Variants in ITGA3 observed in about 807,000 individuals in gnomAD.
The protein encoded by ITGA3 is integrin subunit alpha 3.
In ITGA3, 70 loss-of-function variants were observed where a neutral mutation model predicts 131.1. That is an observed-to-expected ratio of 0.53 (90% CI 0.44 to 0.65). The LOEUF is 0.65. Among genes scored for constraint, ITGA3 ranks in the 30% least tolerant of loss-of-function variants. The pLI is 0.00. For synonymous variants in ITGA3, 537 were observed against 571.6 expected (o/e 0.94, Z 0.86); for missense variants, 1,098 against 1,388.6 (o/e 0.79, Z 3.33).
intron 12 of ITGA3, 142 bp downstream of exon 12, chr17:50,075,877 T>A: frequency 1.2e-6 from 1 of 837,352 alleles, no homozygotes; most frequent in Non-Finnish European, 1.9e-6. Context: ...TATTGGTGTG[T>A]AGGAGTACAG....
chr17:50,076,230 C>T (rs1249084699), intron 12 of ITGA3, 96 bp from the exon 13 acceptor site: 3 of 1,355,898 alleles, frequency 2.2e-6, no homozygotes, highest in Non-Finnish European at 3.0e-6. Flanking sequence ...GGGTGGGGGG[C>T]GGGTCCAGCT....
chr17:50,089,372 C>T lies in ITGA3; in HGVS notation c.*294C>T. The T allele has an allele frequency of 1.1e-6, 1 of 909,216 alleles. No homozygotes were observed. The highest frequency in any genetic ancestry group is 2.6e-5 in the East Asian group (1 of 38,210). 56.3% of individuals were successfully genotyped at this position (909,216 alleles called of 1,614,324 possible). A position where few individuals can be genotyped will look rare whatever the true frequency, so the allele number is the denominator to read the frequency against. On this transcript the variant is annotated 3_prime_UTR_variant, in exon 26 of 26. Transcript: ENST00000320031. Reference sequence around the variant, plus strand: ...AGGGGCCACCACCTTTGGCTGGTAGCAGCAGGCTCAGGCACATACACCTCG... The same window carrying T: ...AGGGGCCACCACCTTTGGCTGGTAGTAGCAGGCTCAGGCACATACACCTCG...
At chr17:50,077,922 A>T in intron 16 of ITGA3, 124 bp from the exon 17 acceptor site, 1 of 746,326 alleles carries the variant, frequency 1.3e-6, no homozygotes, top group Non-Finnish European at 2.2e-6. Flanking sequence ...CCCCTCACCC[A>T]GAATAGGAGG....
In ITGA3 at chr17:50,088,207, ACCT is replaced by A. The variant is rs748363995; in HGVS notation, c.3046-12_3046-10del. 1 of 1,548,630 alleles carries A rather than the reference ACCT, an allele frequency of 6.5e-7. No individual in the cohort carries two copies. Among genetic ancestry groups the A allele is most frequent in the Non-Finnish European group, 8.7e-7 (1 of 1,145,638 alleles). On this transcript the variant is annotated splice_polypyrimidine_tract_variant and intron_variant, in intron 24 of 25. Transcript: ENST00000320031. ...AGCGCCCCCCTGATGGCCCGTCCCC[ACCT>A]CCTCCCCTCCGCAGTGCGGCTTCTT...
At chr17:50,074,033 C>CTT in intron 8 of ITGA3, 29 bp downstream of exon 8, 1 of 1,561,956 alleles carries the variant, frequency 6.4e-7, no homozygotes, top group Non-Finnish European at 8.8e-7. Context: ...GGGTCTGCTG[C>CTT]CCCCACCAGC....
Position 50,076,358 on chromosome 17 carries a change from C to A in ITGA3, c.1707C>A (p.Ile569=), listed in dbSNP as rs998657043. Residue 569 remains isoleucine, a synonymous_variant, in exon 13 of 26, where the codon ATC becomes ATA. Transcript: ENST00000320031. ...DNLRDKLRPI[I]ISMNYSLPLR... ...TCCGTGACAAACTCCGCCCCATCATCATCTCCATGAACTACTCTTTACCTT... is the reference window on the plus strand; with the variant it reads ...TCCGTGACAAACTCCGCCCCATCATAATCTCCATGAACTACTCTTTACCTT... The A allele has an allele frequency of 1.9e-6, 3 of 1,613,812 alleles. No homozygotes were observed. Among genetic ancestry groups the A allele is most frequent in the Middle Eastern group, 1.6e-4 (1 of 6,062 alleles).
intron 10 of ITGA3, among the ~76,000 whole-genome samples, chr17:50,074,986 A>G (rs937384572): frequency 2.0e-5 from 3 of 152,266 alleles, no homozygotes; most frequent in Non-Finnish European, 2.9e-5. Context: ...TCCTTAGCAC[A>G]GCACTGTGTA....
chr17:50,071,380 G>A lies in ITGA3; in HGVS notation c.821G>A (p.Arg274Gln), dbSNP rs745505565. The A allele has an allele frequency of 5.0e-6, 8 of 1,614,156 alleles. No homozygotes were observed. Among genetic ancestry groups the A allele is most frequent in the South Asian group, 3.3e-5 (3 of 91,076 alleles). ...ATCACCATTGTGACAGGTGCCCCAC[G>A]GCACCGACATATGGGCGCGGTGTTC... is the stretch of plus-strand genomic sequence containing the variant. ...KNITIVTGAP[R>Q]HRHMGAVFLL... The change falls in exon 6 of 26, where the codon CGG becomes CAG. Residue 274 changes from arginine to glutamine, a missense_variant. By Grantham distance (43) the Arg-to-Gln change is conservative. This residue lies in a region of ITGA3 where 356 missense variants were observed against 529.2 expected (regional missense o/e 0.67). Transcript: ENST00000320031.
intron 14 of ITGA3, 33 bp downstream of exon 14, chr17:50,076,714 C>A: frequency 2.7e-6 from 4 of 1,461,434 alleles, no homozygotes; most frequent in Non-Finnish European, 2.9e-6. Context: ...GTTAATCGGC[C>A]AAGGGTGGGA....
intron 4 of ITGA3, 89 bp from the exon 5 acceptor site, chr17:50,070,755 G>A (rs1908586925): frequency 1.4e-6 from 1 of 719,738 alleles, no homozygotes; most frequent in South Asian, 1.5e-5. Flanking sequence ...TTGTTGGGTG[G>A]GGGTGGGGGT....
rs1356822398 is a variant in ITGA3, at chr17:50,077,377, A to G, written c.2071-2A>G. The stretch of plus-strand genomic sequence containing the variant: ...CTGACCTTATTCGCCTTCTTTCCTC[A>G]GCCCGGGGCCTGCCAAGCTAATGAG... On this transcript the variant is annotated splice_acceptor_variant, in intron 15 of 25. Transcript: ENST00000320031. LOFTEE classifies it high-confidence loss of function. 6.2e-7 allele frequency: 1 copy of G among 1,613,642 alleles called. No homozygotes were observed. The highest frequency in any genetic ancestry group is 1.1e-5 in the South Asian group (1 of 91,070).
intron 23 of ITGA3, 24 bp from the exon 24 acceptor site, chr17:50,087,720 T>A (rs1434698027): frequency 6.2e-7 from 1 of 1,604,930 alleles, no homozygotes; most frequent in South Asian, 1.1e-5. Flanking sequence ...GACACAGGGC[T>A]GAGTCCTCCT....
rs776874334 is a variant in ITGA3, at chr17:50,078,890, G to A, written c.2364G>A (p.Val788=). The A allele has an allele frequency of 2.1e-5, 34 of 1,612,818 alleles. No homozygotes were observed. The highest frequency in any genetic ancestry group is 2.7e-5 in the Non-Finnish European group (32 of 1,178,956). ...TVMGESGMKT[V]EDVGSPLKYE... is the part of the protein sequence containing the mutation. ...TGGGTGAGTCTGGCATGAAAACTGT[G>A]GAGGATGTAGGAAGCCCCCTCAAGT... The change falls in exon 19 of 26, where the codon GTG becomes GTA. Residue 788 remains valine, a synonymous_variant. Transcript: ENST00000320031.
At chr17:50,059,807 G>C (rs1266549025) in intron 1 of ITGA3, among the ~76,000 whole-genome samples, 1 of 152,184 alleles carries the variant, frequency 6.6e-6, no homozygotes, top group Non-Finnish European at 1.5e-5. Flanking sequence ...TCAAATACAG[G>C]AAAAATACTG....
chr17:50,056,395 G>A lies in ITGA3; in HGVS notation c.-45G>A. 2 of 1,373,490 alleles carry A rather than the reference G, an allele frequency of 1.5e-6. No homozygotes were observed. Among genetic ancestry groups the A allele is most frequent in the South Asian group, 1.6e-5 (1 of 63,010 alleles). 85.1% of individuals were successfully genotyped at this position (1,373,490 alleles called of 1,614,324 possible). On this transcript the variant is annotated 5_prime_UTR_variant, in exon 1 of 26. Transcript: ENST00000320031. The surrounding 1 kb of genome is among the most constrained non-coding windows in gnomAD (Gnocchi z 5.6). The stretch of plus-strand genomic sequence containing the variant: ...TGAACAGGTCCTCACGCCCAGCTCC[G>A]CGCCCTCACGCGCTCTCGCCGGGAC...
At chr17:50,081,515 T>G (rs1909185794) in intron 23 of ITGA3, 107 bp downstream of exon 23, 3 of 826,830 alleles carry the variant, frequency 3.6e-6, no homozygotes, top group East Asian at 2.7e-5. Flanking sequence ...TTCTCAATCT[T>G]GGCCACACGG....
chr17:50,077,488 G>A lies in ITGA3; in HGVS notation c.2139+41G>A, dbSNP rs542468546. 4 of 1,483,356 alleles carry A rather than the reference G, an allele frequency of 2.7e-6. No homozygotes were observed. The South Asian group carries it at 4.5e-5, about 17-fold the overall frequency. 91.9% of individuals were successfully genotyped at this position (1,483,356 alleles called of 1,614,324 possible). A position where few individuals can be genotyped will look rare whatever the true frequency, so the allele number is the denominator to read the frequency against. On this transcript the variant is annotated intron_variant, in intron 16 of 25. Coordinates refer to ENST00000320031, the MANE Select transcript of ITGA3 (RefSeq NM_002204.4). ...ATCCTCCCAGTCCTCCTGGGTCCCT[G>A]GCTGCACCTCTGATGAGCTCCTTGT... is the stretch of plus-strand genomic sequence containing the variant.
In ITGA3 at chr17:50,089,429, G is replaced by A. The variant is rs1909614744; in HGVS notation, c.*351G>A. The stretch of plus-strand genomic sequence containing the variant: ...GCATGCACATGCTGTCTGGCCCTGG[G>A]GATCTTCCCACAGGAGGGCCAGCGC... On this transcript the variant is annotated 3_prime_UTR_variant, in exon 26 of 26. Transcript: ENST00000320031. 1 of 625,384 alleles carries A rather than the reference G, an allele frequency of 1.6e-6. No homozygotes were observed. Among genetic ancestry groups the A allele is most frequent in the Admixed American group, 2.8e-5 (1 of 35,228 alleles). 38.7% of individuals were successfully genotyped at this position (625,384 alleles called of 1,614,324 possible).
At chr17:50,077,579 G>A in intron 16 of ITGA3, 132 bp downstream of exon 16, 3 of 723,684 alleles carry the variant, frequency 4.1e-6, no homozygotes. Flanking sequence ...TGCGGGAGGA[G>A]AGACTCAGTA....
Sources: gnomAD v4.1 joint callset for allele counts (sites outside exome capture counted in the v4.1 genomes callset) on GRCh38, gnomAD v4.1.1 for gene constraint, gnomAD v4.1.1 regional missense constraint, Gnocchi (gnomAD v3.1) non-coding constraint, MANE v1.5 for transcripts, NCBI Gene and HGNC (gene_info 2026-07-23, HGNC 2026-07-21) for gene names.